CEP126: variants seen among roughly 807,000 people sequenced by gnomAD.
CEP126 encodes centrosomal protein 126.
Under a neutral mutation model 107.8 loss-of-function variants are expected in CEP126, and 74 were observed. That is an observed-to-expected ratio of 0.69 (90% CI 0.57 to 0.83). The LOEUF is 0.83. CEP126 is among the 40% of genes least tolerant of loss of function. The pLI is 0.00. For synonymous variants in CEP126, 449 were observed against 446.0 expected, an observed-to-expected ratio of 1.01 and a Z score of -0.08; for missense variants, 1,237 against 1,281.9, an observed-to-expected ratio of 0.96 and a Z score of 0.53.
At chr11:101,921,358 T>G (rs1047661375) in intron 1 of CEP126, among the ~76,000 whole-genome samples, 5 of 152,204 alleles carry the variant, frequency 3.3e-5, no homozygotes, top group Admixed American at 1.3e-4. Context: ...ATCTTCTTAT[T>G]TCATTTTCTT....
chr11:101,978,861 G>A (rs932405433), intron 7 of CEP126, among the ~76,000 whole-genome samples: 1 of 152,172 alleles, frequency 6.6e-6, no homozygotes, highest in African/African-American at 2.4e-5. Flanking sequence ...AGGCGCGGTG[G>A]CTCACACCTG....
chr11:101,928,515 T>C (rs939132185), intron 2 of CEP126, among the ~76,000 whole-genome samples: 27 of 152,192 alleles, frequency 1.8e-4, no homozygotes, highest in African/African-American at 6.0e-4. Flanking sequence ...GTTAAGTCTG[T>C]GATCCAGTTT....
Position 102,000,818 on chromosome 11 carries a change from G to T in CEP126, c.*3175G>T, listed in dbSNP as rs1450501781. The T allele has an allele frequency of 1.3e-5, 2 of 152,152 alleles. No individual in the cohort carries two copies. Among genetic ancestry groups the T allele is most frequent in the Non-Finnish European group, 2.9e-5 (2 of 68,030 alleles). 9.4% of individuals were successfully genotyped at this position (152,152 alleles called of 1,614,324 possible). ...ATAACTGGTCAGAAAAATTTAGACG[G>T]TCTTCATTTTAAAATTGGCATCAGG... is the stretch of plus-strand genomic sequence containing the variant. On this transcript the variant is annotated 3_prime_UTR_variant, in exon 11 of 11. Coordinates refer to ENST00000263468, the MANE Select transcript of CEP126 (RefSeq NM_020802.4).
chr11:101,936,642 C>T (rs1282221254), intron 2 of CEP126, among the ~76,000 whole-genome samples: 1 of 152,038 alleles, frequency 6.6e-6, no homozygotes, highest in Non-Finnish European at 1.5e-5. Flanking sequence ...TGCCTTATAC[C>T]TTTTGGGGGA....
chr11:101,946,102 G>T (rs1212181376), intron 3 of CEP126, among the ~76,000 whole-genome samples: 1 of 152,028 alleles, frequency 6.6e-6, no homozygotes, highest in African/African-American at 2.4e-5. Context: ...TGCACTGAGT[G>T]TAAGAGATAA....
In CEP126 at chr11:101,962,541, A is replaced by G. The variant is rs762479963; in HGVS notation, c.1506A>G (p.Glu502=). ...DKLDELKDGK[E]EEIKYFNCNK... The stretch of plus-strand genomic sequence containing the variant: ...TAGATGAATTGAAAGATGGTAAAGA[A>G]GAAGAGATAAAATATTTTAATTGCA... Residue 502 remains glutamate (E), a synonymous_variant, in exon 6 of 11, where the codon GAA becomes GAG. Coordinates refer to ENST00000263468, the MANE Select transcript of CEP126 (RefSeq NM_020802.4). 20 of 1,612,884 alleles carry G rather than the reference A, an allele frequency of 1.2e-5. No individual in the cohort carries two copies. Among genetic ancestry groups the G allele is most frequent in the South Asian group, 8.8e-5 (8 of 90,890 alleles).
intron 5 of CEP126, among the ~76,000 whole-genome samples, chr11:101,959,799 A>G (rs1940948764): frequency 6.6e-6 from 1 of 152,196 alleles, no homozygotes; most frequent in African/African-American, 2.4e-5. Flanking sequence ...TTGCAGAACA[A>G]AAGATTAGTG....
intron 8 of CEP126, among the ~76,000 whole-genome samples, chr11:101,983,539 C>A (rs549975729): frequency 9.2e-5 from 14 of 152,276 alleles, no homozygotes; most frequent in African/African-American, 3.4e-4. Flanking sequence ...GAATATTCAA[C>A]AGGCTGGTTA....
intron 4 of CEP126, chr11:101,955,926 A>G (rs1430687636): frequency 2.2e-6 from 1 of 456,360 alleles, no homozygotes; most frequent in Non-Finnish European, 4.4e-6. Flanking sequence ...CCTGCCCGCC[A>G]GCCCCATATA....
At position 101,987,027 on chromosome 11, in the gene CEP126, G is replaced by A. The variant is rs6590942; in HGVS notation, c.3230G>A (p.Ser1077Asn). 1,569,955 of 1,607,168 alleles carry A rather than the reference G, an allele frequency of 0.98. 766,918 individuals are homozygous for A. Among genetic ancestry groups the A allele is most frequent in the East Asian group, 1 (44,766 of 44,776 alleles). Residue 1077 changes from serine (S) to asparagine (N), a missense_variant, in exon 9 of 11, where the codon AGT (serine) becomes AAT (asparagine). Physicochemically the swap from Ser to Asn is conservative, Grantham distance 46 (BLOSUM62 1). Transcript: ENST00000263468. Reference sequence around the variant, plus strand: ...ATCCTAGAGTCCCTTAATGATCTCAGTGAAAGACTACATTGTAAGTATGGA... The same window carrying A: ...ATCCTAGAGTCCCTTAATGATCTCAATGAAAGACTACATTGTAAGTATGGA... The part of the protein sequence containing the change: ...QKILESLNDL[S>N]ERLHYIQESI...
chr11:101,961,406 CTT>C (rs2137111066), intron 5 of CEP126, among the ~76,000 whole-genome samples: 1 of 152,150 alleles, frequency 6.6e-6, no homozygotes, highest in East Asian at 1.9e-4. Flanking sequence ...CAGAATCTCA[CTT>C]TCTATTACTA....
intron 8 of CEP126, among the ~76,000 whole-genome samples, chr11:101,982,278 A>C (rs1358142775): frequency 6.6e-6 from 1 of 152,224 alleles, no homozygotes; most frequent in Non-Finnish European, 1.5e-5. Flanking sequence ...AACTCCATGT[A>C]TTAAATGAAT....
At chr11:101,990,658 C>T (rs115065713) in intron 9 of CEP126, among the ~76,000 whole-genome samples, 3,189 of 152,126 alleles carry the variant, frequency 0.021, 60 homozygotes, top group African/African-American at 0.051. Context: ...GAAAAATTAC[C>T]GTACTTCCCC....
intron 2 of CEP126, among the ~76,000 whole-genome samples, chr11:101,943,493 C>T (rs1054715689): frequency 1.3e-5 from 2 of 149,642 alleles, no homozygotes; most frequent in Admixed American, 6.7e-5. Flanking sequence ...GATTTGTAGG[C>T]TTGCCTTTTC....
chr11:101,952,436 GA>G (rs1294387807), intron 4 of CEP126, among the ~76,000 whole-genome samples: 1 of 152,182 alleles, frequency 6.6e-6, no homozygotes, highest in Admixed American at 6.5e-5. Context: ...TTTAGTTGAT[GA>G]AAACAATGAC....
At chr11:101,919,845 T>C (rs1323215440) in intron 1 of CEP126, among the ~76,000 whole-genome samples, 1 of 152,182 alleles carries the variant, frequency 6.6e-6, no homozygotes, top group African/African-American at 2.4e-5. Context: ...CCAAAGCATC[T>C]TCCTCCCCTC....
chr11:101,989,469 T>C (rs1941351545), intron 9 of CEP126, among the ~76,000 whole-genome samples: 1 of 152,180 alleles, frequency 6.6e-6, no homozygotes, highest in Non-Finnish European at 1.5e-5. Context: ...AAAAATCACC[T>C]ATGGTTCAGA....
At chr11:101,954,690 G>GTA (rs1940860895) in intron 4 of CEP126, among the ~76,000 whole-genome samples, 2 of 151,882 alleles carry the variant, frequency 1.3e-5, no homozygotes, top group Admixed American at 1.3e-4. Flanking sequence ...AACAACAAGT[G>GTA]TATACAATGT....
At chr11:101,934,082 C>T (rs1450130003) in intron 2 of CEP126, among the ~76,000 whole-genome samples, 1 of 151,992 alleles carries the variant, frequency 6.6e-6, no homozygotes, top group African/African-American at 2.4e-5. Flanking sequence ...TCATTTCTGG[C>T]TATTGCTCTC....
Sources: allele counts gnomAD v4.1 joint callset (sites outside exome capture counted in the v4.1 genomes callset), GRCh38; gene constraint gnomAD v4.1.1; transcripts MANE v1.5; gene names NCBI Gene and HGNC (gene_info 2026-07-23, HGNC 2026-07-21).